ARL15: variants seen among roughly 807,000 people sequenced by gnomAD.
ARL15 encodes ADP-ribosylation factor-like protein 15.
In ARL15, 19 loss-of-function variants were observed where a neutral mutation model predicts 25.2. The ratio of observed to expected loss-of-function variants is 0.75; its 90% CI spans 0.53 to 1.10. The LOEUF is 1.10. Among genes scored for constraint, ARL15 ranks in the 50% least tolerant of loss-of-function variants. The pLI is 0.00. For synonymous variants in ARL15, 94 were observed against 86.8 expected (o/e 1.08, Z -0.46); for missense variants, 220 against 246.0 (o/e 0.89, Z 0.71).
At chr5:53,974,625 T>C (rs1430608629) in intron 4 of ARL15, among the ~76,000 whole-genome samples, 1 of 152,206 alleles carries the variant, frequency 6.6e-6, no homozygotes, top group Non-Finnish European at 1.5e-5. Flanking sequence ...TGTATTTCAA[T>C]CACTTGACAA....
intron 4 of ARL15, among the ~76,000 whole-genome samples, chr5:54,100,700 GAAGGAATTTAATGAATT>G (rs1406893153): frequency 6.6e-6 from 1 of 152,012 alleles, no homozygotes; most frequent in Non-Finnish European, 1.5e-5. Context: ...CACTAAATTT[GAAGGAATTTAATGAATT>G]CAAATACGGA....
chr5:54,079,562 C>T (rs533175682), intron 4 of ARL15, among the ~76,000 whole-genome samples: 5 of 152,164 alleles, frequency 3.3e-5, no homozygotes, highest in Admixed American at 2.0e-4. Context: ...TTTCTAAATG[C>T]TATTTTCAAA....
At position 54,175,063 on chromosome 5, in the gene ARL15, C is replaced by T. The variant is rs78646431; in HGVS notation, c.49-3135G>A. Among the ~76,000 whole-genome samples, 4 of 152,314 alleles carry T rather than the reference C, an allele frequency of 2.6e-5. No individual in the cohort carries two copies. In the South Asian group the frequency reaches 8.3e-4, roughly 32 times the overall value. On this transcript the variant is annotated intron_variant, in intron 1 of 4. Transcript: ENST00000504924. Reference sequence around the variant, plus strand: ...CTACCCTGGCCCAAACTATCATAAACCTTAAATATCAAATGAAACTGTATG... The same window carrying T: ...CTACCCTGGCCCAAACTATCATAAATCTTAAATATCAAATGAAACTGTATG...
In ARL15 at chr5:54,154,420, C is replaced by T. The variant is rs1579853697; in HGVS notation, c.253+160G>A. 9.0e-6 allele frequency: 5 copies of T among 555,932 alleles called. No homozygotes were observed. The South Asian group carries it at 1.4e-4, about 16-fold the overall frequency. The allele number at this position is 555,932 out of a possible 1,614,324, so 34.4% of individuals were successfully genotyped here. On this transcript the variant is annotated intron_variant, in intron 3 of 4. Coordinates refer to ENST00000504924, the MANE Select transcript of ARL15 (RefSeq NM_019087.3). Reference sequence around the variant, plus strand: ...TAGAACTCTTCAACAATTTTTAAAACATACGAAGAGAAGGAAATATTTCTA... The same window carrying T: ...TAGAACTCTTCAACAATTTTTAAAATATACGAAGAGAAGGAAATATTTCTA...
At chr5:54,073,584 C>A (rs774090084) in intron 4 of ARL15, among the ~76,000 whole-genome samples, 7 of 152,150 alleles carry the variant, frequency 4.6e-5, no homozygotes, top group Non-Finnish European at 1.0e-4. Context: ...ATATAACACT[C>A]TGGGGAAAGC....
chr5:54,285,325 T>C, intron 1 of ARL15: 5 of 868,430 alleles, frequency 5.8e-6, no homozygotes, highest in Non-Finnish European at 6.9e-6. Context: ...AATTTGAAAT[T>C]AATGTGATTA....
Position 54,243,712 on chromosome 5 carries a change from G to C in ARL15, c.48+66720C>G, listed in dbSNP as rs543580825. 2.6e-5 allele frequency among the ~76,000 whole-genome samples: 4 copies of C among 152,296 alleles called. No homozygotes were observed. In the South Asian group the frequency reaches 8.3e-4, roughly 32 times the overall value. On this transcript the variant is annotated intron_variant, in intron 1 of 4. Transcript: ENST00000504924. ...CTCATGAATACATCTTCCCAATTCT[G>C]ATTTTTCAAAAGAAGCTAGAAAACA...
chr5:54,064,474 TG>T (rs1415763502), intron 4 of ARL15, among the ~76,000 whole-genome samples: 1 of 152,006 alleles, frequency 6.6e-6, no homozygotes, highest in African/African-American at 2.4e-5. Flanking sequence ...CATATAACAA[TG>T]GAACAAGTAA....
chr5:54,283,804 T>A (rs1170198554), intron 1 of ARL15, among the ~76,000 whole-genome samples: 2 of 152,214 alleles, frequency 1.3e-5, no homozygotes, highest in Non-Finnish European at 2.9e-5. Flanking sequence ...TACCAGCCTT[T>A]CTTGGGGTTA....
At position 54,006,140 on chromosome 5, in the gene ARL15, G is replaced by C. The variant is rs80337535; in HGVS notation, c.462+107062C>G. 2.6e-3 allele frequency among the ~76,000 whole-genome samples: 399 copies of C among 151,390 alleles called. 2 individuals are homozygous for C. The highest frequency in any genetic ancestry group is 9.4e-3 in the African/African-American group (386 of 41,242). ...ACTGGCAAACCCCTTTAAATTTAGA[G>C]GCTACTGAATCCAGAAGCCTGGTTC... On this transcript the variant is annotated intron_variant, in intron 4 of 4. Coordinates refer to ENST00000504924, the MANE Select transcript of ARL15 (RefSeq NM_019087.3).
intron 4 of ARL15, among the ~76,000 whole-genome samples, chr5:53,982,649 T>C (rs1045139183): frequency 1.3e-5 from 2 of 152,202 alleles, no homozygotes; most frequent in South Asian, 2.1e-4. Context: ...TAAATATACA[T>C]GTGCATGTGT....
At chr5:54,064,395 G>A (rs531274524) in intron 4 of ARL15, among the ~76,000 whole-genome samples, 1 of 152,290 alleles carries the variant, frequency 6.6e-6, no homozygotes, top group East Asian at 1.9e-4. Context: ...CAGCATAGTA[G>A]GGCAGCTAAA....
intron 4 of ARL15, among the ~76,000 whole-genome samples, chr5:54,019,816 T>C (rs1380164896): frequency 6.6e-6 from 1 of 152,226 alleles, no homozygotes; most frequent in Non-Finnish European, 1.5e-5. Flanking sequence ...AGTAGGAATG[T>C]AAGCACCATC....
chr5:54,199,386 G>T (rs574132050), intron 1 of ARL15, among the ~76,000 whole-genome samples: 1 of 151,328 alleles, frequency 6.6e-6, no homozygotes, highest in South Asian at 2.1e-4. Context: ...GAAAATTTTC[G>T]CAACCTACTC....
chr5:54,039,800 T>TAAAAAAAAAA (rs35030165), intron 4 of ARL15, among the ~76,000 whole-genome samples: 1 of 52,546 alleles, frequency 1.9e-5, no homozygotes, highest in Non-Finnish European at 3.3e-5. Flanking sequence ...AGACTCTGTC[T>TAAAAAAAAAA]AAAAAAAAAA....
At chr5:54,127,449 T>C (rs998451975) in intron 3 of ARL15, among the ~76,000 whole-genome samples, 4 of 151,730 alleles carry the variant, frequency 2.6e-5, no homozygotes, top group African/African-American at 9.7e-5. Flanking sequence ...TACCTAGGAA[T>C]CCAACTTACA....
chr5:54,113,049 A>C lies in ARL15; in HGVS notation c.462+153T>G, dbSNP rs1019556711. On this transcript the variant is annotated intron_variant, in intron 4 of 4. Transcript: ENST00000504924. ...TATGTAAACAAGTGCTAACAGATTG[A>C]TATAGGCTTTCTGCTTCCTATGAAA... is the stretch of plus-strand genomic sequence containing the variant. 4 of 720,166 alleles carry C rather than the reference A, an allele frequency of 5.6e-6. No homozygotes were observed. The African/African-American group carries it at 7.1e-5, about 13-fold the overall frequency. 44.6% of individuals were successfully genotyped at this position (720,166 alleles called of 1,614,324 possible). A position where few individuals can be genotyped will look rare whatever the true frequency, so the allele number is the denominator to read the frequency against.
At chr5:54,070,189 AAG>A (rs1261459113) in intron 4 of ARL15, among the ~76,000 whole-genome samples, 1 of 151,190 alleles carries the variant, frequency 6.6e-6, no homozygotes, top group Non-Finnish European at 1.5e-5. Flanking sequence ...TCAGGAGATC[AAG>A]ACCATCCTGG....
At chr5:54,042,948 G>T (rs1750390231) in intron 4 of ARL15, among the ~76,000 whole-genome samples, 1 of 152,026 alleles carries the variant, frequency 6.6e-6, no homozygotes, top group Non-Finnish European at 1.5e-5. Context: ...CTATATATAG[G>T]TTCATGTTTT....
Sources: allele counts gnomAD v4.1 joint callset (sites outside exome capture counted in the v4.1 genomes callset), GRCh38; gene constraint gnomAD v4.1.1; transcripts MANE v1.5; gene names NCBI Gene and HGNC (gene_info 2026-07-23, HGNC 2026-07-21).